GALNT13: variants seen among roughly 807,000 people sequenced by gnomAD.
GALNT13 encodes the protein UDP-GalNAc:polypeptide N-acetylgalactosaminyltransferase 13.
GALNT13 carries 28 observed loss-of-function variants against 64.2 expected under a neutral mutation model. That is an observed-to-expected ratio of 0.44 (90% CI 0.32 to 0.60). The LOEUF (loss-of-function observed/expected upper bound fraction) is 0.60, where lower values mean the gene tolerates loss of function less well. GALNT13 is among the 20% of genes least tolerant of loss of function. GALNT13 has a pLI of 0.05. For missense variants in GALNT13, 577 were observed against 669.8 expected, an observed-to-expected ratio of 0.86 and a Z score of 1.53; for synonymous variants, 214 against 224.6, an observed-to-expected ratio of 0.95 and a Z score of 0.42.
At chr2:153,309,540 T>C in the GALNT13 span, among the ~76,000 whole-genome samples, 2 of 144,246 alleles carry the variant, frequency 1.4e-5, no homozygotes, top group Non-Finnish European at 3.1e-5. Context: ...TTTTTTTTTT[T>C]ACCTCCATGA....
intron 11 of GALNT13, among the ~76,000 whole-genome samples, chr2:154,429,384 G>A (rs1700611463): frequency 6.6e-6 from 1 of 152,152 alleles, no homozygotes; most frequent in Non-Finnish European, 1.5e-5. Flanking sequence ...TCCGTATATA[G>A]AGACAGTTTT....
chr2:153,375,316 A>C, the GALNT13 span, among the ~76,000 whole-genome samples: 2 of 152,180 alleles, frequency 1.3e-5, no homozygotes, highest in African/African-American at 4.8e-5. Context: ...AATTTAAAAA[A>C]ATACTTTTTT....
chr2:153,174,456 G>A, the GALNT13 span, among the ~76,000 whole-genome samples: 1 of 147,508 alleles, frequency 6.8e-6, no homozygotes, highest in Non-Finnish European at 1.5e-5. Flanking sequence ...TACCGCCAAA[G>A]CACATTTTCT....
intron 3 of GALNT13, among the ~76,000 whole-genome samples, chr2:154,126,232 C>A (rs1682253496): frequency 6.6e-6 from 1 of 152,038 alleles, no homozygotes; most frequent in South Asian, 2.1e-4. Context: ...ATTTGCAAGA[C>A]TGAATTGCAA....
chr2:153,415,458 C>T, the GALNT13 span, among the ~76,000 whole-genome samples: 8 of 152,104 alleles, frequency 5.3e-5, no homozygotes, highest in African/African-American at 1.9e-4. Flanking sequence ...TGGAATGAAA[C>T]CTTTGATTCT....
At chr2:153,313,240 A>G in the GALNT13 span, among the ~76,000 whole-genome samples, 1 of 152,198 alleles carries the variant, frequency 6.6e-6, no homozygotes, top group East Asian at 1.9e-4. Flanking sequence ...TACAATATGT[A>G]ATGAACAGTA....
At chr2:153,205,985 T>C in the GALNT13 span, among the ~76,000 whole-genome samples, 1 of 151,966 alleles carries the variant, frequency 6.6e-6, no homozygotes, top group Non-Finnish European at 1.5e-5. Context: ...GAGCCCTCAA[T>C]AAGTCCTGAA....
chr2:154,010,526 A>T (rs72868408), intron 3 of GALNT13, among the ~76,000 whole-genome samples: 21,042 of 152,116 alleles, frequency 0.14, 1,769 homozygotes, highest in African/African-American at 0.23. Flanking sequence ...TATGTTCATC[A>T]AGGTTATTGG....
At chr2:154,214,156 A>C (rs1487231190) in intron 4 of GALNT13, among the ~76,000 whole-genome samples, 1 of 152,142 alleles carries the variant, frequency 6.6e-6, no homozygotes, top group Non-Finnish European at 1.5e-5. Flanking sequence ...CTCAGTGACT[A>C]ACTCTACCAT....
At chr2:153,768,814 C>T in the GALNT13 span, among the ~76,000 whole-genome samples, 1 of 152,066 alleles carries the variant, frequency 6.6e-6, no homozygotes, top group African/African-American at 2.4e-5. Flanking sequence ...TACAGTGAGC[C>T]AAGATCGCAC....
At chr2:153,401,033 G>A in the GALNT13 span, among the ~76,000 whole-genome samples, 1 of 151,122 alleles carries the variant, frequency 6.6e-6, no homozygotes, top group Non-Finnish European at 1.5e-5. Flanking sequence ...GTCAATTTTG[G>A]ATCTTTCCTG....
chr2:153,182,045 CT>C, the GALNT13 span, among the ~76,000 whole-genome samples: 1,359 of 147,014 alleles, frequency 9.2e-3, 21 homozygotes, highest in African/African-American at 0.033. Flanking sequence ...CTTTTCTTTT[CT>C]TTTTTTTTTC....
At chr2:154,107,295 A>G (rs903895054) in intron 3 of GALNT13, among the ~76,000 whole-genome samples, 2 of 152,182 alleles carry the variant, frequency 1.3e-5, no homozygotes, top group African/African-American at 4.8e-5. Flanking sequence ...CGCATTTGTT[A>G]TGTTAAAAAA....
the GALNT13 span, among the ~76,000 whole-genome samples, chr2:153,809,927 C>T: frequency 6.6e-6 from 1 of 151,996 alleles, no homozygotes; most frequent in African/African-American, 2.4e-5. Flanking sequence ...TTGCCATTAA[C>T]ATATAAATAT....
At chr2:153,124,236 A>G in the GALNT13 span, among the ~76,000 whole-genome samples, 1 of 152,268 alleles carries the variant, frequency 6.6e-6, no homozygotes, top group African/African-American at 2.4e-5. Flanking sequence ...TGAAATAATA[A>G]CTGTAGCCTT....
the GALNT13 span, among the ~76,000 whole-genome samples, chr2:153,148,170 A>G: frequency 6.6e-6 from 1 of 151,880 alleles, no homozygotes; most frequent in African/African-American, 2.4e-5. Flanking sequence ...ATAATCCAGA[A>G]ACAGTCCGAA....
At chr2:154,114,912 C>T (rs1703198605) in intron 3 of GALNT13, among the ~76,000 whole-genome samples, 1 of 152,198 alleles carries the variant, frequency 6.6e-6, no homozygotes, top group Non-Finnish European at 1.5e-5. Context: ...AGTGCCACCA[C>T]TTGGCTTCTG....
At chr2:153,826,705 G>A in the GALNT13 span, among the ~76,000 whole-genome samples, 1 of 152,054 alleles carries the variant, frequency 6.6e-6, no homozygotes, top group African/African-American at 2.4e-5. Context: ...ATGAATGTCT[G>A]GGAAAGGGTA....
chr2:153,224,494 A>AT, the GALNT13 span, among the ~76,000 whole-genome samples: 126,256 of 151,846 alleles, frequency 0.83, 53,584 homozygotes, highest in African/African-American at 0.9. Flanking sequence ...TAAAAGTTGA[A>AT]TTTTTTTTAA....
Sources: gnomAD v4.1 joint callset for allele counts (sites outside exome capture counted in the v4.1 genomes callset) on GRCh38, gnomAD v4.1.1 for gene constraint, MANE v1.5 for transcripts, NCBI Gene and HGNC (gene_info 2026-07-23, HGNC 2026-07-21) for gene names.